The following NRF1 variants were observed in gnomAD, a reference collection of about 807,000 sequenced individuals.
The protein encoded by NRF1 is nuclear respiratory factor 1.
In NRF1, 5 loss-of-function variants were observed where a neutral mutation model predicts 58.5. The ratio of observed to expected loss-of-function variants is 0.09; its 90% CI spans 0.04 to 0.18. NRF1 has a LOEUF of 0.18. Ranked by LOEUF, NRF1 falls within the 10% of genes least tolerant of loss-of-function variation. The probability of loss-of-function intolerance (pLI) is 1.00; values close to 1 mark genes in which losing one functional copy is unlikely to be tolerated. For missense variants in NRF1, 288 were observed against 657.7 expected, an observed-to-expected ratio of 0.44 and a Z score of 6.15; for synonymous variants, 224 against 246.7, an observed-to-expected ratio of 0.91 and a Z score of 0.86.
At chr7:129,751,096 G>A (rs1046606634) in intron 10 of NRF1, among the ~76,000 whole-genome samples, 3 of 152,250 alleles carry the variant, frequency 2.0e-5, no homozygotes, top group Non-Finnish European at 2.9e-5. Context: ...CAGAGGAGGA[G>A]CATCGGAGAA....
intron 4 of NRF1, among the ~76,000 whole-genome samples, chr7:129,690,165 A>G (rs1262181931): frequency 1.3e-5 from 2 of 152,196 alleles, no homozygotes; most frequent in Non-Finnish European, 2.9e-5. Flanking sequence ...TATTTCTGGA[A>G]AATTTTTTCA....
At position 129,755,296 on chromosome 7, in the gene NRF1, AC is replaced by A. The variant is rs1804226273; in HGVS notation, c.*117del. 2.0e-6 allele frequency: 2 copies of A among 975,850 alleles called. No individual in the cohort carries two copies. Among genetic ancestry groups the A allele is most frequent in the Non-Finnish European group, 2.7e-6 (2 of 731,524 alleles). 60.4% of individuals were successfully genotyped at this position (975,850 alleles called of 1,614,324 possible). The stretch of plus-strand genomic sequence containing the variant: ...CGACTTTGGAAGGAAAGTTTTGTTA[AC>A]CTTTTTTTTTTTAAAAGGAAGAAAG... On this transcript the variant is annotated 3_prime_UTR_variant, in exon 11 of 11. Coordinates refer to ENST00000393232, the MANE Select transcript of NRF1 (RefSeq NM_005011.5). This position sits in a 1 kb window ranked among gnomAD's most constrained non-coding sequence, Gnocchi z 5.8.
chr7:129,744,524 G>C (rs908494542), intron 10 of NRF1, among the ~76,000 whole-genome samples: 1 of 152,022 alleles, frequency 6.6e-6, no homozygotes, highest in Non-Finnish European at 1.5e-5. Flanking sequence ...TCGAACTGCT[G>C]GCCTCAAGTG....
rs1391692305 is a variant in NRF1 at position 129,745,618 on chromosome 7, C to G, written c.1349-9400C>G. On this transcript the variant is annotated intron_variant, in intron 10 of 10. Transcript: ENST00000393232. Reference sequence around the variant, plus strand: ...GCATATTCCACAAGCTTCAGCAGAACGCTTTCTCTCCTGCCATTTTCAGTT... The same window carrying G: ...GCATATTCCACAAGCTTCAGCAGAAGGCTTTCTCTCCTGCCATTTTCAGTT... Among the ~76,000 whole-genome samples the G allele has an allele frequency of 4.0e-5, 6 of 150,262 alleles. No individual in the cohort carries two copies. The East Asian group carries it at 9.9e-4, about 25-fold the overall frequency.
chr7:129,698,838 A>G (rs1473757407), intron 5 of NRF1, among the ~76,000 whole-genome samples: 1 of 152,206 alleles, frequency 6.6e-6, no homozygotes, highest in African/African-American at 2.4e-5. Context: ...CAGAGTCTTT[A>G]AGCAATAATT....
chr7:129,644,969 G>C (rs1298503026), intron 1 of NRF1, among the ~76,000 whole-genome samples: 1 of 151,026 alleles, frequency 6.6e-6, no homozygotes, highest in South Asian at 2.1e-4. Context: ...ATTCAAAAAC[G>C]ATTAAGAACT....
At chr7:129,680,438 T>G (rs1230194403) in intron 4 of NRF1, among the ~76,000 whole-genome samples, 1 of 152,216 alleles carries the variant, frequency 6.6e-6, no homozygotes, top group Admixed American at 6.5e-5. Context: ...GCAGTTCTAT[T>G]CCTAAGTTAT....
intron 1 of NRF1, among the ~76,000 whole-genome samples, chr7:129,652,407 A>G (rs1444242642): frequency 6.6e-6 from 1 of 152,212 alleles, no homozygotes; most frequent in African/African-American, 2.4e-5. Flanking sequence ...CAGCTTTTCA[A>G]TATACATCAA....
intron 9 of NRF1, among the ~76,000 whole-genome samples, chr7:129,719,289 C>T (rs1584669543): frequency 2.0e-5 from 3 of 152,268 alleles, no homozygotes; most frequent in East Asian, 3.9e-4. Flanking sequence ...TGCTCCACCA[C>T]ACACGGCTAA....
chr7:129,651,871 T>A (rs1584608979), intron 1 of NRF1, among the ~76,000 whole-genome samples: 2 of 152,168 alleles, frequency 1.3e-5, no homozygotes, highest in African/African-American at 4.8e-5. Flanking sequence ...TATGGAAGGG[T>A]AGCTTATCAG....
At position 129,671,445 on chromosome 7, in the gene NRF1, C is replaced by T. The variant is rs146404476; in HGVS notation, c.240C>T (p.Ala80=). 2.7e-3 allele frequency: 4,360 copies of T among 1,612,690 alleles called. 5 individuals carry two copies. The highest frequency in any genetic ancestry group is 3.4e-3 in the Non-Finnish European group (4,018 of 1,178,742). Residue 80 remains alanine (A), a synonymous_variant, in exon 3 of 11, where the codon GCC becomes GCT. Transcript: ENST00000393232. ...TTATTTCAGGTCCTGTGGGAATGGC[C>T]GCTGCTGCTGCTGTGGCAACAGGAA... ...HLAAAGPVGM[A]AAAAVATGKK...
chr7:129,692,635 GC>G (rs1295326176), intron 5 of NRF1, among the ~76,000 whole-genome samples: 1 of 152,010 alleles, frequency 6.6e-6, no homozygotes, highest in Non-Finnish European at 1.5e-5. Context: ...CCTTGTTTAA[GC>G]CCTGTAATGG....
rs35512508 is a variant in NRF1, at chr7:129,691,364, A to ATTT, written c.606+831_606+833dup. Among the ~76,000 whole-genome samples the ATTT allele has an allele frequency of 6.8e-3, 912 of 134,130 alleles. 14 individuals are homozygous for ATTT. Among genetic ancestry groups the ATTT allele is most frequent in the African/African-American group, 0.024 (868 of 35,962 alleles). 88.0% of individuals were successfully genotyped at this position (134,130 alleles called of 152,430 possible). On this transcript the variant is annotated intron_variant, in intron 5 of 10. Coordinates refer to ENST00000393232, the MANE Select transcript of NRF1 (RefSeq NM_005011.5). ...TATTTATTTATTTATTATTATTATT[A>ATTT]TTTTTTTTTTTTTTTGAGACAGAGT...
At chr7:129,642,630 A>G (rs1264551559) in intron 1 of NRF1, among the ~76,000 whole-genome samples, 1 of 152,130 alleles carries the variant, frequency 6.6e-6, no homozygotes, top group Non-Finnish European at 1.5e-5. Flanking sequence ...ATATACATAA[A>G]ATAGTTAACT....
chr7:129,720,641 A>G (rs771557713), intron 9 of NRF1, among the ~76,000 whole-genome samples: 2 of 152,132 alleles, frequency 1.3e-5, no homozygotes, highest in Non-Finnish European at 2.9e-5. Flanking sequence ...GCTACGTGCA[A>G]TGGCAGGTTG....
chr7:129,753,416 G>T (rs1212676699), intron 10 of NRF1, among the ~76,000 whole-genome samples: 1 of 152,160 alleles, frequency 6.6e-6, no homozygotes, highest in African/African-American at 2.4e-5. Flanking sequence ...TGAGCCCTGT[G>T]TGAGCATAGG....
chr7:129,640,404 G>C (rs985918867), intron 1 of NRF1, among the ~76,000 whole-genome samples: 1 of 151,992 alleles, frequency 6.6e-6, no homozygotes, highest in African/African-American at 2.4e-5. Context: ...TGTAGTCCCA[G>C]CTACTCTGGA....
intron 2 of NRF1, among the ~76,000 whole-genome samples, chr7:129,662,287 T>C (rs1801801069): frequency 6.6e-6 from 1 of 152,150 alleles, no homozygotes. Flanking sequence ...AAGGTGCTTC[T>C]AAATCTGTTC....
At chr7:129,743,753 C>G (rs188628283) in intron 10 of NRF1, among the ~76,000 whole-genome samples, 19 of 152,288 alleles carry the variant, frequency 1.2e-4, no homozygotes, top group Non-Finnish European at 2.9e-5. Context: ...CATTTTAAAT[C>G]CTTGGGCAAT....
Sources: allele counts gnomAD v4.1 joint callset (sites outside exome capture counted in the v4.1 genomes callset), GRCh38; gene constraint gnomAD v4.1.1; non-coding constraint Gnocchi (gnomAD v3.1); transcripts MANE v1.5; gene names NCBI Gene and HGNC (gene_info 2026-07-23, HGNC 2026-07-21).